Variants in LRGUK observed in about 807,000 individuals in gnomAD.
LRGUK encodes leucine-rich repeat and guanylate kinase domain-containing protein.
A neutral mutation model predicts 76.0 loss-of-function variants in LRGUK; 65 were observed. The observed-to-expected ratio is 0.85, with a 90% CI of 0.70 to 1.05. The LOEUF is 1.05. Ranked by LOEUF, LRGUK falls within the 50% of genes least tolerant of loss-of-function variation. LRGUK has a pLI of 0.00. For synonymous variants in LRGUK, 268 were observed against 265.6 expected, an observed-to-expected ratio of 1.01 and a Z score of -0.09; for missense variants, 758 against 732.8, an observed-to-expected ratio of 1.03 and a Z score of -0.40.
intron 5 of LRGUK, among the ~76,000 whole-genome samples, chr7:134,156,642 A>C (rs1327191128): frequency 6.6e-6 from 1 of 152,182 alleles, no homozygotes; most frequent in Non-Finnish European, 1.5e-5. Context: ...TGGATAAATA[A>C]GTTTTGTTTA....
At chr7:134,147,225 G>A (rs1329487563) in intron 4 of LRGUK, among the ~76,000 whole-genome samples, 1 of 151,904 alleles carries the variant, frequency 6.6e-6, no homozygotes. Context: ...GACCATCCTG[G>A]CTAACACAGT....
downstream of LRGUK, among the ~76,000 whole-genome samples, chr7:134,212,486 C>A (rs1270811935): frequency 1.3e-5 from 2 of 152,112 alleles, no homozygotes; most frequent in Non-Finnish European, 2.9e-5. Flanking sequence ...CTATGAATTT[C>A]AAATGTTATT....
chr7:134,254,371 A>G (rs771853800), intron 18 of LRGUK, among the ~76,000 whole-genome samples: 2 of 152,152 alleles, frequency 1.3e-5, no homozygotes, highest in African/African-American at 4.8e-5. Context: ...TCAGGCTGCT[A>G]TAATAAAATA....
intron 6 of LRGUK, among the ~76,000 whole-genome samples, chr7:134,161,928 G>A (rs1304634165): frequency 3.3e-5 from 5 of 152,010 alleles, no homozygotes; most frequent in African/African-American, 7.2e-5. Flanking sequence ...TCCTGACCTC[G>A]TGATCCGCCT....
intron 12 of LRGUK, among the ~76,000 whole-genome samples, chr7:134,195,984 C>T (rs1233474720): frequency 6.6e-6 from 1 of 152,112 alleles, no homozygotes; most frequent in Admixed American, 6.5e-5. Flanking sequence ...CCCTGACAGA[C>T]AGCCCATCCC....
chr7:134,275,485 C>A, the LRGUK span, among the ~76,000 whole-genome samples: 1 of 152,052 alleles, frequency 6.6e-6, no homozygotes, highest in South Asian at 2.1e-4. Context: ...TTTTTCTTTG[C>A]ATTTATTTTG....
At chr7:134,227,184 G>T (rs1401000518) in intron 16 of LRGUK, among the ~76,000 whole-genome samples, 3 of 152,156 alleles carry the variant, frequency 2.0e-5, no homozygotes, top group Admixed American at 2.0e-4. Flanking sequence ...TGCTAATTGA[G>T]GTAGACATGG....
chr7:134,148,061 CAAAAA>C (rs10556613), intron 4 of LRGUK, among the ~76,000 whole-genome samples, 172 bp from the exon 5 acceptor site: 2 of 123,228 alleles, frequency 1.6e-5, no homozygotes, highest in Non-Finnish European at 1.7e-5. Flanking sequence ...GACTCCTTTT[CAAAAA>C]AAAAAAAAAA....
intron 19 of LRGUK, 106 bp downstream of exon 19, chr7:134,258,511 A>G (rs1248148765): frequency 1.7e-5 from 18 of 1,032,394 alleles, no homozygotes; most frequent in Non-Finnish European, 2.3e-5. Context: ...CAGCCTGGCC[A>G]AAATTGTGAA....
intron 5 of LRGUK, among the ~76,000 whole-genome samples, chr7:134,154,079 T>C (rs1429705342): frequency 6.6e-6 from 1 of 152,182 alleles, no homozygotes; most frequent in Non-Finnish European, 1.5e-5. Flanking sequence ...GGTTCCTTCA[T>C]TCAGTTTCCC....
chr7:134,200,713 G>A (rs1208376017), intron 14 of LRGUK, among the ~76,000 whole-genome samples: 1 of 152,168 alleles, frequency 6.6e-6, no homozygotes, highest in Non-Finnish European at 1.5e-5. Context: ...TTTGGTCTCT[G>A]AAACATGTTA....
At chr7:134,273,664 C>A in the LRGUK span, among the ~76,000 whole-genome samples, 1 of 151,998 alleles carries the variant, frequency 6.6e-6, no homozygotes, top group Non-Finnish European at 1.5e-5. Context: ...TATTAACATA[C>A]CCTCATTAGC....
chr7:134,192,758 T>G (rs1489189672), intron 12 of LRGUK, among the ~76,000 whole-genome samples: 1 of 152,216 alleles, frequency 6.6e-6, no homozygotes, highest in African/African-American at 2.4e-5. Context: ...GCCCTTATTT[T>G]TGTTTATATC....
At chr7:134,169,122 G>A (rs887040952) in intron 7 of LRGUK, among the ~76,000 whole-genome samples, 21 of 146,038 alleles carry the variant, frequency 1.4e-4, no homozygotes, top group African/African-American at 5.4e-4. Flanking sequence ...ATAAGAGGCT[G>A]AAGGGAAGAA....
At chr7:134,147,407 C>G (rs559599793) in intron 4 of LRGUK, among the ~76,000 whole-genome samples, 28 of 150,332 alleles carry the variant, frequency 1.9e-4, no homozygotes, top group Admixed American at 1.8e-3. Flanking sequence ...AGCACTTCAG[C>G]CTGAGCGACA....
At chr7:134,267,095 T>C (rs944823689), downstream of LRGUK, among the ~76,000 whole-genome samples, 4 of 151,988 alleles carry the variant, frequency 2.6e-5, no homozygotes, top group African/African-American at 9.7e-5. Context: ...ACAAAAATAA[T>C]TTGTTGCCAA....
chr7:134,230,822 T>C (rs1216684314), intron 16 of LRGUK, among the ~76,000 whole-genome samples: 5 of 152,184 alleles, frequency 3.3e-5, no homozygotes, highest in Non-Finnish European at 5.9e-5. Context: ...ATTTAGGTGA[T>C]AAAACTATAA....
At chr7:134,190,929 A>G (rs1227236862) in intron 11 of LRGUK, among the ~76,000 whole-genome samples, 1 of 150,856 alleles carries the variant, frequency 6.6e-6, no homozygotes. Flanking sequence ...TTCTGGGGAT[A>G]GACAGTAGTT....
chr7:134,150,243 C>G (rs1798155202), intron 5 of LRGUK, among the ~76,000 whole-genome samples: 1 of 151,548 alleles, frequency 6.6e-6, no homozygotes, highest in Admixed American at 6.6e-5. Flanking sequence ...CCACTGCACT[C>G]CAGCCTGGGC....
Sources: gnomAD v4.1 joint callset for allele counts (sites outside exome capture counted in the v4.1 genomes callset) on GRCh38, gnomAD v4.1.1 for gene constraint, MANE v1.5 for transcripts, NCBI Gene and HGNC (gene_info 2026-07-23, HGNC 2026-07-21) for gene names.